Variants in PEX11G observed in about 807,000 individuals in gnomAD.
PEX11G encodes peroxisomal membrane protein 11C.
A neutral mutation model predicts 22.5 loss-of-function variants in PEX11G; 20 were observed. That is an observed-to-expected ratio of 0.89 (90% CI 0.62 to 1.29). The LOEUF (loss-of-function observed/expected upper bound fraction) is 1.29. Ranked by LOEUF, PEX11G falls within the 50% of genes most tolerant of loss-of-function variation. The pLI, the probability that PEX11G is intolerant of heterozygous loss-of-function variation, is 0.00. For synonymous variants in PEX11G, 141 were observed against 154.5 expected (o/e 0.91, Z 0.65); for missense variants, 347 against 331.3 (o/e 1.05, Z -0.37).
intron 3 of PEX11G, among the ~76,000 whole-genome samples, chr19:7,480,836 G>C (rs537050706): frequency 6.6e-6 from 1 of 152,258 alleles, no homozygotes; most frequent in Non-Finnish European, 1.5e-5. Context: ...AGACCAGGGG[G>C]CCCAGCTCCT....
chr19:7,492,730 C>A (rs1276589498), upstream of PEX11G, among the ~76,000 whole-genome samples: 3 of 152,210 alleles, frequency 2.0e-5, no homozygotes, highest in East Asian at 5.8e-4. Context: ...GCGTGAGTCA[C>A]CGCGTCTGGC....
chr19:7,479,564 G>A (rs563510821), intron 3 of PEX11G, among the ~76,000 whole-genome samples: 51 of 152,348 alleles, frequency 3.3e-4, no homozygotes, highest in African/African-American at 9.4e-4. Flanking sequence ...CGGCAGCCCT[G>A]GGCCTTAGGG....
chr19:7,485,823 C>T lies in PEX11G; in HGVS notation c.249+15G>A, dbSNP rs772241746. On this transcript the variant is annotated intron_variant, in intron 2 of 4. Coordinates refer to ENST00000221480, the MANE Select transcript of PEX11G (RefSeq NM_080662.4). ...GTCCGCACCCTACTCCCTAGAGCCC[C>T]ACAAACCCTGTTACCTGTGCCCCCA... is the stretch of plus-strand genomic sequence containing the variant. 6.3e-7 allele frequency: 1 copy of T among 1,583,706 alleles called. No individual in the cohort carries two copies. Among genetic ancestry groups the T allele is most frequent in the East Asian group, 2.3e-5 (1 of 44,012 alleles).
Position 7,482,130 on chromosome 19 carries a change from A to G in PEX11G, c.331T>C (p.Trp111Arg). The change falls in exon 3 of 5, where the codon TGG becomes CGG. Residue 111 changes from tryptophan (W) to arginine (R), a missense_variant. By Grantham distance (101) the Trp-to-Arg change is moderately radical. Transcript: ENST00000221480. ...TGGAGGACCCGGGCATCAGCCGCCC[A>G]GGCCACGTGCTCACAGGGGTAGTAG... is the stretch of plus-strand genomic sequence containing the variant. The part of the protein sequence containing the change: ...QLYYPCEHVA[W>R]AADARVLHVD... 1 of 1,597,676 alleles carries G rather than the reference A, an allele frequency of 6.3e-7. No homozygotes were observed. Among genetic ancestry groups the G allele is most frequent in the Non-Finnish European group, 8.5e-7 (1 of 1,172,744 alleles).
chr19:7,492,770 A>G (rs1457002492), upstream of PEX11G, among the ~76,000 whole-genome samples: 6 of 152,132 alleles, frequency 3.9e-5, no homozygotes. Context: ...CTTTCACAGA[A>G]TATTTCCTCT....
At chr19:7,482,778 TGCGGCAAG>T (rs1396125254) in intron 2 of PEX11G, among the ~76,000 whole-genome samples, 2 of 152,128 alleles carry the variant, frequency 1.3e-5, no homozygotes, top group African/African-American at 2.4e-5. Context: ...CCAGGCACAG[TGCGGCAAG>T]GCTCATGGCC....
upstream of PEX11G, among the ~76,000 whole-genome samples, chr19:7,492,173 C>T (rs2021901839): frequency 6.6e-6 from 1 of 152,138 alleles, no homozygotes. Flanking sequence ...GGATTCCATT[C>T]CTTTGGGTCT....
chr19:7,478,479 C>T (rs886627451), intron 3 of PEX11G, 103 bp from the exon 4 acceptor site: 27 of 1,231,558 alleles, frequency 2.2e-5, no homozygotes, highest in South Asian at 7.8e-5. Flanking sequence ...TGCTGCATCT[C>T]GGATAAACGG....
At position 7,478,388 on chromosome 19, in the gene PEX11G, G is replaced by A. The variant is rs1402366009; in HGVS notation, c.429-12C>T. On this transcript the variant is annotated splice_polypyrimidine_tract_variant and intron_variant, in intron 3 of 4. Transcript: ENST00000221480. ...GCATCCACAGGGACCTGCAGCACCA[G>A]AGCCCGAGGGAGGATGCCCCGGCGG... The A allele has an allele frequency of 4.4e-6, 7 of 1,604,892 alleles. No individual in the cohort carries two copies. The highest frequency in any genetic ancestry group is 1.7e-5 in the Admixed American group (1 of 58,620).
At position 7,477,426 on chromosome 19, in the gene PEX11G, G is replaced by A. The variant is rs1003026572; in HGVS notation, c.502C>T (p.Arg168Trp). 5.0e-5 allele frequency: 72 copies of A among 1,450,836 alleles called. 1 individual carries two copies. In the East Asian group the frequency reaches 9.6e-4, roughly 19 times the overall value. 89.9% of individuals were successfully genotyped at this position (1,450,836 alleles called of 1,614,324 possible). The part of the protein sequence containing the change: ...PTAPFTSPLP[R>W]GKRRAMEAQM... ...GCCTCCATGGCCCTCCGCTTGCCCC[G>A]GGGCAGCGGGCTGTGGGGCAGAGAG... Residue 168 changes from arginine (R) to tryptophan (W), a missense_variant, in exon 5 of 5, where the codon CGG (arginine) becomes TGG (tryptophan). By Grantham distance (101) the Arg-to-Trp change is moderately radical. Transcript: ENST00000221480.
intron 3 of PEX11G, among the ~76,000 whole-genome samples, chr19:7,481,808 AG>A (rs1278601074): frequency 6.6e-6 from 1 of 152,182 alleles, no homozygotes; most frequent in African/African-American, 2.4e-5. Flanking sequence ...TAAGATAAGA[AG>A]TTTCTGTTGC....
rs749464737 is a variant in PEX11G at position 7,477,299 on chromosome 19, G to A, written c.629C>T (p.Pro210Leu). Residue 210 changes from proline to leucine, a missense_variant, in exon 5 of 5, where the codon CCG (proline) becomes CTG (leucine). By Grantham distance (98) the Pro-to-Leu change is moderately conservative. Transcript: ENST00000221480. ...GCCCATGAGGCCCACTAGCCACGGCGGGAAGCGGCCGGCCCACAGCACGCC... is the reference window on the plus strand; with the variant it reads ...GCCCATGAGGCCCACTAGCCACGGCAGGAAGCGGCCGGCCCACAGCACGCC... ...PRGVLWAGRF[P>L]PWLVGLMGTI... The A allele has an allele frequency of 4.8e-5, 76 of 1,572,974 alleles. No homozygotes were observed. The highest frequency in any genetic ancestry group is 5.6e-5 in the Non-Finnish European group (65 of 1,160,720).
At chr19:7,490,490 A>ATTTTTTTTTTT (rs59322811), upstream of PEX11G, among the ~76,000 whole-genome samples, 7 of 114,882 alleles carry the variant, frequency 6.1e-5, no homozygotes, top group African/African-American at 9.7e-5. Context: ...CGCCTGGGTA[A>ATTTTTTTTTTT]TTTTTTTTTT....
chr19:7,477,225 G>A lies in PEX11G; in HGVS notation c.703C>T (p.Gln235Ter), dbSNP rs1455148148. 1.3e-6 allele frequency: 2 copies of A among 1,526,920 alleles called. No individual in the cohort carries two copies. The highest frequency in any genetic ancestry group is 1.8e-6 in the Non-Finnish European group (2 of 1,140,966). 94.6% of individuals were successfully genotyped at this position (1,526,920 alleles called of 1,614,324 possible). ...TGTCAGGGGGTAGTGGCCTCGGCCT[G>A]GCCGCCGGCCCGGGCCGCCTGGTAC... The part of the protein sequence containing the change: ...SMYQAARAGG[Q>*]AEATTP Residue 235 changes from glutamine (Q) to a stop codon, truncating the protein, a stop_gained, in exon 5 of 5, where the codon CAG (glutamine) becomes TAG (stop). Coordinates refer to ENST00000221480, the MANE Select transcript of PEX11G (RefSeq NM_080662.4). LOFTEE classifies it high-confidence loss of function.
intron 1 of PEX11G, among the ~76,000 whole-genome samples, chr19:7,487,220 T>G (rs1026200583): frequency 1.3e-5 from 2 of 152,146 alleles, no homozygotes; most frequent in Admixed American, 1.3e-4. Flanking sequence ...TAGGTCCTTC[T>G]TTTCCCAGGT....
intron 1 of PEX11G, among the ~76,000 whole-genome samples, chr19:7,488,186 C>A (rs749928926): frequency 6.6e-6 from 1 of 152,208 alleles, no homozygotes; most frequent in Non-Finnish European, 1.5e-5. Context: ...ATGTAAACGT[C>A]CAGCCAGGCT....
At chr19:7,477,466 C>A in intron 4 of PEX11G, 30 bp from the exon 5 acceptor site, 1 of 1,387,950 alleles carries the variant, frequency 7.2e-7, no homozygotes, top group South Asian at 1.6e-5. Flanking sequence ...CGCTTACACT[C>A]ACGCTCACAC....
chr19:7,483,224 A>G (rs1205395321), intron 2 of PEX11G: 1 of 151,706 alleles, frequency 6.6e-6, no homozygotes, highest in Non-Finnish European at 1.5e-5. Flanking sequence ...CTGATTCCAG[A>G]TGCTGCTCTC....
intron 3 of PEX11G, among the ~76,000 whole-genome samples, chr19:7,478,763 T>C (rs917969868): frequency 2.0e-5 from 3 of 152,176 alleles, no homozygotes; most frequent in African/African-American, 7.2e-5. Flanking sequence ...CCGTTTCCCC[T>C]CCGGGCCTCA....
Sources: allele counts gnomAD v4.1 joint callset (sites outside exome capture counted in the v4.1 genomes callset), GRCh38; gene constraint gnomAD v4.1.1; transcripts MANE v1.5; gene names NCBI Gene and HGNC (gene_info 2026-07-23, HGNC 2026-07-21).